Variants in NBPF19 observed in about 807,000 individuals in gnomAD.
The protein encoded by NBPF19 is NBPF member 19, also known as NBPF family member NBPF19.
Under a neutral mutation model 45.9 loss-of-function variants are expected in NBPF19, and 30 were observed. That is an observed-to-expected ratio of 0.65 (90% CI 0.49 to 0.89). The LOEUF (loss-of-function observed/expected upper bound fraction) is 0.89, where lower values mean the gene tolerates loss of function less well. NBPF19 is among the 40% of genes least tolerant of loss of function. The pLI, the probability that NBPF19 is intolerant of heterozygous loss-of-function variation, is 0.00. For missense variants in NBPF19, 495 were observed against 471.8 expected (o/e 1.05, Z -0.46); for synonymous variants, 183 against 181.2 (o/e 1.01, Z -0.08).
chr1:149,554,503 G>T lies in NBPF19; in HGVS notation c.11297G>T (p.Ser3766Ile). Residue 3766 changes from serine to isoleucine, a missense_variant, in exon 94 of 94, where the codon AGC (serine) becomes ATC (isoleucine). By Grantham distance (142) the Ser-to-Ile change is moderately radical (BLOSUM62 -2). Transcript: ENST00000651566. ...DQNPPCPRLN[S>I]VLMEVEEPEV... is the part of the protein sequence containing the mutation. ...TTTGTCTCCTTTTCCAGGCTCAACA[G>T]CGTGCTGATGGAAGTGGAAGAGCCT... is the stretch of plus-strand genomic sequence containing the variant. The T allele has an allele frequency of 1.2e-6, 2 of 1,608,098 alleles. No individual in the cohort carries two copies. The highest frequency in any genetic ancestry group is 1.7e-6 in the Non-Finnish European group (2 of 1,176,696).
In NBPF19 at chr1:149,554,539, A is replaced by G. The variant is rs2087196551; in HGVS notation, c.11333A>G (p.Gln3778Arg). The change falls in exon 94 of 94, where the codon CAG (glutamine) becomes CGG (arginine). Residue 3778 changes from glutamine (Q) to arginine (R), a missense_variant. By Grantham distance (43) the Gln-to-Arg change is conservative (BLOSUM62 1). Transcript: ENST00000651566. ...GAAGTGGAAGAGCCTGAAGTCTTACAGGACTCACTGGATGGATGTTATTCG... is the reference window on the plus strand; with the variant it reads ...GAAGTGGAAGAGCCTGAAGTCTTACGGGACTCACTGGATGGATGTTATTCG... ...LMEVEEPEVL[Q>R]DSLDGCYSTP... 2.5e-5 allele frequency: 41 copies of G among 1,608,272 alleles called. 2 individuals are homozygous for G. The South Asian group carries it at 4.0e-4, about 16-fold the overall frequency.
intron 73 of NBPF19, among the ~76,000 whole-genome samples, chr1:149,538,421 TTCTC>T (rs1189265337): frequency 5.3e-3 from 107 of 20,096 alleles, no homozygotes; most frequent in African/African-American, 9.0e-3. Context: ...ACTGAGCTCG[TTCTC>T]TCTCTCTCTC....
At chr1:149,495,680 CGTGT>C (rs1220744895) in intron 19 of NBPF19, among the ~76,000 whole-genome samples, 47 of 34,900 alleles carry the variant, frequency 1.3e-3, no homozygotes, top group East Asian at 3.4e-3. Context: ...TGTGTGTGTG[CGTGT>C]GTGTGTGTGT....
At position 149,554,887 on chromosome 1, in the gene NBPF19, G is replaced by A. The variant is rs1256339397; in HGVS notation, c.*149G>A. 2.7e-5 allele frequency: 38 copies of A among 1,408,232 alleles called. No individual in the cohort carries two copies. In the South Asian group the frequency reaches 3.1e-4, roughly 11 times the overall value. The allele number at this position is 1,408,232 out of a possible 1,614,324, so 87.2% of individuals were successfully genotyped here. A position where few individuals can be genotyped will look rare whatever the true frequency, so the allele number is the denominator to read the frequency against. ...CTTTTCCTATTCTCAAACCATGCCA[G>A]TGGCAACCTGTGCTCAGTCTGAAGA... On this transcript the variant is annotated 3_prime_UTR_variant, in exon 94 of 94. Coordinates refer to ENST00000651566, the MANE Select transcript of NBPF19 (RefSeq NM_001351365.2).
At position 149,479,592 on chromosome 1, in the gene NBPF19, C is replaced by A. The variant is rs1332778865; in HGVS notation, c.493+498C>A. ...TGCTTTTCAAAATGAGATGAAGCCCCTCTCCATGTGGTGTTGGAGAAGGCA... is the reference window on the plus strand; with the variant it reads ...TGCTTTTCAAAATGAGATGAAGCCCATCTCCATGTGGTGTTGGAGAAGGCA... On this transcript the variant is annotated intron_variant, in intron 4 of 93. Coordinates refer to ENST00000651566, the MANE Select transcript of NBPF19 (RefSeq NM_001351365.2). 1.2e-3 allele frequency among the ~76,000 whole-genome samples: 171 copies of A among 147,824 alleles called. 3 individuals are homozygous for A. The East Asian group carries it at 0.024, about 20-fold the overall frequency.
Position 149,495,322 on chromosome 1 carries a change from C to G in NBPF19, c.2222+71C>G. The G allele has an allele frequency of 2.9e-6, 2 of 679,454 alleles. 1 individual carries two copies. The highest frequency in any genetic ancestry group is 3.2e-5 in the South Asian group (2 of 62,774). The allele number at this position is 679,454 out of a possible 1,614,324, so 42.1% of individuals were successfully genotyped here. A position where few individuals can be genotyped will look rare whatever the true frequency, so the allele number is the denominator to read the frequency against. On this transcript the variant is annotated intron_variant, in intron 19 of 93. Coordinates refer to ENST00000651566, the MANE Select transcript of NBPF19 (RefSeq NM_001351365.2). ...GACTACTGGTTCAGGGAAAACAGAG[C>G]GGGCTGACATTATCGATTACATCTT...
At chr1:149,495,676 T>TGC (rs2086071824) in intron 19 of NBPF19, among the ~76,000 whole-genome samples, 1 of 45,032 alleles carries the variant, frequency 2.2e-5, no homozygotes, top group Non-Finnish European at 4.3e-5. Flanking sequence ...TGTGTGTGTG[T>TGC]GTGCGTGTGT....
intron 8 of NBPF19, among the ~76,000 whole-genome samples, chr1:149,486,670 C>A (rs2085526353): frequency 6.6e-6 from 1 of 151,178 alleles, no homozygotes; most frequent in South Asian, 2.1e-4. Context: ...AGTTTTGTTC[C>A]CAAAGCATGT....
rs1427485097 is a variant in NBPF19 at position 149,528,997 on chromosome 1, T to A, written c.7347-177T>A. ...TGTGTCTATCTGTCTTTCTCTTTCA[T>A]TCTTTTCCATTTGGCCCTGTTCTGT... On this transcript the variant is annotated intron_variant, in intron 61 of 93. Coordinates refer to ENST00000651566, the MANE Select transcript of NBPF19 (RefSeq NM_001351365.2). 1.7e-4 allele frequency among the ~76,000 whole-genome samples: 22 copies of A among 128,160 alleles called. 1 individual carries two copies. Among genetic ancestry groups the A allele is most frequent in the Non-Finnish European group, 3.3e-4 (20 of 60,712 alleles). 84.1% of individuals were successfully genotyped at this position (128,160 alleles called of 152,430 possible). A position where few individuals can be genotyped will look rare whatever the true frequency, so the allele number is the denominator to read the frequency against.
At chr1:149,490,828 G>A (rs1295824182) in intron 13 of NBPF19, among the ~76,000 whole-genome samples, 1 of 101,204 alleles carries the variant, frequency 9.9e-6, no homozygotes, top group Non-Finnish European at 2.0e-5. Flanking sequence ...CACTAACTCA[G>A]AGTGTCCTGT....
In NBPF19 at chr1:149,477,695, G is replaced by C. The variant is rs1442731598; in HGVS notation, c.176-250G>C. Reference sequence around the variant, plus strand: ...GGGCTGTGAGTTCTGACTCCACTTCGTTGTGGTTGAATCATCTTGTCAACT... The same window carrying C: ...GGGCTGTGAGTTCTGACTCCACTTCCTTGTGGTTGAATCATCTTGTCAACT... On this transcript the variant is annotated intron_variant, in intron 2 of 93. Transcript: ENST00000651566. Among the ~76,000 whole-genome samples the C allele has an allele frequency of 2.0e-5, 3 of 151,364 alleles. 1 individual carries two copies. Among genetic ancestry groups the C allele is most frequent in the East Asian group, 3.9e-4 (2 of 5,150 alleles).
At chr1:149,478,146 G>A (rs1274222386) in intron 3 of NBPF19, 99 bp downstream of exon 3, 4 of 792,194 alleles carry the variant, frequency 5.0e-6, no homozygotes, top group South Asian at 1.4e-5. Flanking sequence ...CTGGGCCAGG[G>A]GAAGGGCAGA....
rs1186923016 is a variant in NBPF19, at chr1:149,554,964, C to T, written c.*226C>T. On this transcript the variant is annotated 3_prime_UTR_variant, in exon 94 of 94. Coordinates refer to ENST00000651566, the MANE Select transcript of NBPF19 (RefSeq NM_001351365.2). Reference sequence around the variant, plus strand: ...GTTCACATAACTGTGCAGCACATGCCGGGAGTGATCAGTCGGACATTTTAA... The same window carrying T: ...GTTCACATAACTGTGCAGCACATGCTGGGAGTGATCAGTCGGACATTTTAA... 11 of 751,140 alleles carry T rather than the reference C, an allele frequency of 1.5e-5. No homozygotes were observed. The highest frequency in any genetic ancestry group is 4.1e-4 in the Middle Eastern group (1 of 2,454). 46.5% of individuals were successfully genotyped at this position (751,140 alleles called of 1,614,324 possible). A position where few individuals can be genotyped will look rare whatever the true frequency, so the allele number is the denominator to read the frequency against.
At chr1:149,553,968 A>C (rs2087115475) in intron 93 of NBPF19, 86 bp downstream of exon 93, 1 of 228,098 alleles carries the variant, frequency 4.4e-6, no homozygotes, top group African/African-American at 5.4e-5. Flanking sequence ...GTTTGATGTC[A>C]TGTTTTCAAC....
In NBPF19 at chr1:149,478,881, C is replaced by T. The variant is rs2085008264; in HGVS notation, c.280C>T (p.Gln94Ter). 1 of 1,603,480 alleles carries T rather than the reference C, an allele frequency of 6.2e-7. No homozygotes were observed. Among genetic ancestry groups the T allele is most frequent in the South Asian group, 1.1e-5 (1 of 90,810 alleles). ...ATTTTCTCTACCGTCTCACCTTAGG[C>T]AATATAAAGTCCTGTTTCACTCTCA... ...EQLKQAEELRQYKVLFHSQER... is the reference protein window; with the variant it reads ...EQLKQAEELR The change falls in exon 4 of 94, where the codon CAA becomes TAA. Residue 94 changes from glutamine (Q) to a stop codon, truncating the protein, a stop_gained and splice_region_variant. Transcript: ENST00000651566. LOFTEE classifies it high-confidence loss of function.
At chr1:149,484,499 A>T (rs1390081090) in intron 7 of NBPF19, among the ~76,000 whole-genome samples, 12 of 144,816 alleles carry the variant, frequency 8.3e-5, no homozygotes, top group Non-Finnish European at 1.5e-4. Flanking sequence ...AGTATTAAAA[A>T]AAATATATAT....
intron 6 of NBPF19, among the ~76,000 whole-genome samples, chr1:149,481,487 T>TA: frequency 2.9e-5 from 4 of 137,426 alleles, no homozygotes; most frequent in African/African-American, 1.1e-4. Flanking sequence ...TTTTTTTTTT[T>TA]TTTTTTTTTT....
chr1:149,487,174 C>G (rs1280431084), intron 8 of NBPF19, among the ~76,000 whole-genome samples, 158 bp from the exon 9 acceptor site: 31 of 151,166 alleles, frequency 2.1e-4, no homozygotes, highest in Non-Finnish European at 3.6e-4. Flanking sequence ...AGCCAGTTTT[C>G]TCAAGACTTG....
At chr1:149,490,910 G>C (rs1379241738) in intron 13 of NBPF19, among the ~76,000 whole-genome samples, 2 of 132,872 alleles carry the variant, frequency 1.5e-5, no homozygotes, top group Admixed American at 7.8e-5. Flanking sequence ...GTGTGTGTGT[G>C]TGTGTGTGTG....
Sources: allele counts gnomAD v4.1 joint callset (sites outside exome capture counted in the v4.1 genomes callset), GRCh38; gene constraint gnomAD v4.1.1; transcripts MANE v1.5; gene names NCBI Gene and HGNC (gene_info 2026-07-23, HGNC 2026-07-21).